FAM135A: variants seen among roughly 807,000 people sequenced by gnomAD.
FAM135A encodes the protein family with sequence similarity 135 member A, also known as protein FAM135A.
Under a neutral mutation model 146.8 loss-of-function variants are expected in FAM135A, and 79 were observed. The observed-to-expected ratio is 0.54, with a 90% CI of 0.45 to 0.65. The LOEUF is 0.65. FAM135A is among the 30% of genes least tolerant of loss of function. The probability of loss-of-function intolerance (pLI) is 0.00; values close to 1 mark genes in which losing one functional copy is unlikely to be tolerated. For synonymous variants in FAM135A, 562 were observed against 603.6 expected, an observed-to-expected ratio of 0.93 and a Z score of 1.01; for missense variants, 1,623 against 1,758.2, an observed-to-expected ratio of 0.92 and a Z score of 1.38.
At position 70,477,097 on chromosome 6, in the gene FAM135A, T is replaced by C. The variant is rs1347588528; in HGVS notation, c.369-62T>C. ...AATAGTTTTTATAGTTTCAACTACTTTATAATATATTGGCGTTTACTAAAT... is the reference window on the plus strand; with the variant it reads ...AATAGTTTTTATAGTTTCAACTACTCTATAATATATTGGCGTTTACTAAAT... On this transcript the variant is annotated intron_variant, in intron 7 of 21. Coordinates refer to ENST00000418814, the MANE Select transcript of FAM135A (RefSeq NM_001162529.3). 16 of 1,468,262 alleles carry C rather than the reference T, an allele frequency of 1.1e-5. No individual in the cohort carries two copies. In the African/African-American group the frequency reaches 1.6e-4, roughly 14 times the overall value. The allele number at this position is 1,468,262 out of a possible 1,614,324, so 91.0% of individuals were successfully genotyped here. A position where few individuals can be genotyped will look rare whatever the true frequency, so the allele number is the denominator to read the frequency against.
Position 70,544,802 on chromosome 6 carries a change from G to A in FAM135A, c.4228+6401G>A, listed in dbSNP as rs1296100474. Among the ~76,000 whole-genome samples, 11 of 151,892 alleles carry A rather than the reference G, an allele frequency of 7.2e-5. No homozygotes were observed. In the East Asian group the frequency reaches 1.4e-3, roughly 19 times the overall value. ...ACAGTGGCTCACGCCTGTAATCCCCGTACTTTGGGAGGCTGAGGCAGGTGG... is the reference window on the plus strand; with the variant it reads ...ACAGTGGCTCACGCCTGTAATCCCCATACTTTGGGAGGCTGAGGCAGGTGG... On this transcript the variant is annotated intron_variant, in intron 20 of 21. Coordinates refer to ENST00000418814, the MANE Select transcript of FAM135A (RefSeq NM_001162529.3).
At chr6:70,521,660 G>A (rs1478175665) in intron 12 of FAM135A, among the ~76,000 whole-genome samples, 1 of 152,170 alleles carries the variant, frequency 6.6e-6, no homozygotes, top group Non-Finnish European at 1.5e-5. Context: ...GAAAATAATT[G>A]TAGATGTAAT....
chr6:70,457,835 A>G (rs1487351310), intron 5 of FAM135A, among the ~76,000 whole-genome samples: 11 of 151,970 alleles, frequency 7.2e-5, no homozygotes, highest in African/African-American at 2.4e-4. Flanking sequence ...AAATGCCCAA[A>G]TAGAGTACCT....
chr6:70,542,747 T>G (rs1798168516), intron 20 of FAM135A, among the ~76,000 whole-genome samples: 1 of 152,192 alleles, frequency 6.6e-6, no homozygotes, highest in Non-Finnish European at 1.5e-5. Context: ...GACATCTCAA[T>G]TTACATATCA....
rs1213243198 is a variant in FAM135A at position 70,452,580 on chromosome 6, A to T, written c.157+9A>T. 6.4e-7 allele frequency: 1 copy of T among 1,551,290 alleles called. No individual in the cohort carries two copies. The highest frequency in any genetic ancestry group is 8.6e-7 in the Non-Finnish European group (1 of 1,157,872). On this transcript the variant is annotated intron_variant, in intron 5 of 21. Transcript: ENST00000418814. ...TTTGTTGCATGCAACAGGTAAGCCA[A>T]AGAATACATTCAAATTTAAAAAGTA...
At chr6:70,519,775 C>T (rs1297639570) in intron 12 of FAM135A, among the ~76,000 whole-genome samples, 1 of 152,154 alleles carries the variant, frequency 6.6e-6, no homozygotes, top group African/African-American at 2.4e-5. Flanking sequence ...AACTTTTATA[C>T]ACACTGGGAA....
At chr6:70,452,179 T>A (rs1478696984) in intron 4 of FAM135A, among the ~76,000 whole-genome samples, 1 of 152,090 alleles carries the variant, frequency 6.6e-6, no homozygotes, top group East Asian at 1.9e-4. Flanking sequence ...ATGAACCAAA[T>A]GAAACAATGA....
chr6:70,518,594 T>A (rs1261472935), intron 12 of FAM135A, among the ~76,000 whole-genome samples: 1 of 152,178 alleles, frequency 6.6e-6, no homozygotes, highest in Non-Finnish European at 1.5e-5. Context: ...GCAGGCTGAC[T>A]CTCTTGTTAG....
intron 4 of FAM135A, among the ~76,000 whole-genome samples, chr6:70,446,074 G>T (rs1030513283): frequency 3.9e-5 from 6 of 152,210 alleles, no homozygotes; most frequent in African/African-American, 1.4e-4. Context: ...TCTGTCTGCA[G>T]CTCCTTCAAG....
At chr6:70,450,158 G>A (rs1302724996) in intron 4 of FAM135A, among the ~76,000 whole-genome samples, 2 of 152,024 alleles carry the variant, frequency 1.3e-5, no homozygotes, top group South Asian at 2.1e-4. Flanking sequence ...TTGGATATTA[G>A]TTCCTTATCA....
chr6:70,469,424 T>G (rs1211392462), intron 5 of FAM135A, among the ~76,000 whole-genome samples: 1 of 152,230 alleles, frequency 6.6e-6, no homozygotes, highest in Non-Finnish European at 1.5e-5. Context: ...ACTGAAATCA[T>G]TCACAGCAAT....
At chr6:70,518,544 T>A (rs948920994) in intron 12 of FAM135A, among the ~76,000 whole-genome samples, 3 of 152,210 alleles carry the variant, frequency 2.0e-5, no homozygotes, top group African/African-American at 7.2e-5. Flanking sequence ...TCTAGGACTT[T>A]CATAGCTAGA....
intron 7 of FAM135A, 34 bp downstream of exon 7, chr6:70,475,767 A>G (rs1782515648): frequency 6.7e-7 from 1 of 1,484,030 alleles, no homozygotes; most frequent in Non-Finnish European, 9.3e-7. Context: ...ACCTTTAGGC[A>G]CTTATGACTG....
Position 70,480,895 on chromosome 6 carries a change from C to T in FAM135A, c.543-6C>T. ...GACAATAATAATGTAATACTTCTTC[C>T]TCCAGCTTTCCTCGCCCTGTGAAGA... On this transcript the variant is annotated splice_polypyrimidine_tract_variant and splice_region_variant and intron_variant, in intron 8 of 21. Coordinates refer to ENST00000418814, the MANE Select transcript of FAM135A (RefSeq NM_001162529.3). 7 of 1,603,138 alleles carry T rather than the reference C, an allele frequency of 4.4e-6. No homozygotes were observed. Among genetic ancestry groups the T allele is most frequent in the Non-Finnish European group, 5.9e-6 (7 of 1,176,556 alleles).
At chr6:70,517,449 G>T (rs554289147) in intron 12 of FAM135A, among the ~76,000 whole-genome samples, 2,998 of 118,582 alleles carry the variant, frequency 0.025, 103 homozygotes, top group African/African-American at 0.093. Flanking sequence ...ATGGAGTTTT[G>T]CTCTTGTCAC....
At chr6:70,492,539 A>C (rs1786239955) in intron 11 of FAM135A, among the ~76,000 whole-genome samples, 1 of 151,828 alleles carries the variant, frequency 6.6e-6, no homozygotes, top group Non-Finnish European at 1.5e-5. Flanking sequence ...TATACTATAA[A>C]TTTGAAAGCA....
Position 70,452,534 on chromosome 6 carries a change from T to G in FAM135A, c.120T>G (p.Ile40Met). 6.3e-7 allele frequency: 1 copy of G among 1,597,762 alleles called. No individual in the cohort carries two copies. Among genetic ancestry groups the G allele is most frequent in the Non-Finnish European group, 8.5e-7 (1 of 1,175,490 alleles). Residue 40 changes from isoleucine (I) to methionine (M), a missense_variant, in exon 5 of 22, where the codon ATT (isoleucine) becomes ATG (methionine). Physicochemically the swap from Ile to Met is conservative, Grantham distance 10 (BLOSUM62 1). This residue lies in a region of FAM135A where 171 missense variants were observed against 164.9 expected (regional missense o/e 1.04). Coordinates refer to ENST00000418814, the MANE Select transcript of FAM135A (RefSeq NM_001162529.3). ...IRASMKIPSRIPHRVEASLLH... is the reference protein window; with the variant it reads ...IRASMKIPSRMPHRVEASLLH... ...CTTCTATGAAAATTCCATCAAGAATTCCCCACAGAGTAGAAGCTAGTTTGT... is the reference window on the plus strand; with the variant it reads ...CTTCTATGAAAATTCCATCAAGAATGCCCCACAGAGTAGAAGCTAGTTTGT...
At chr6:70,501,704 C>T (rs906696054) in intron 11 of FAM135A, among the ~76,000 whole-genome samples, 5 of 152,226 alleles carry the variant, frequency 3.3e-5, no homozygotes, top group African/African-American at 4.8e-5. Flanking sequence ...TAGCACAGCC[C>T]TCATGGCTTT....
In FAM135A at chr6:70,538,343, A is replaced by G. The variant is rs9455152; in HGVS notation, c.4170A>G (p.Thr1390=). The part of the protein sequence containing the change: ...WKKSGSLLQL[T]CRDHSDPRQT... ...AATCAGGTTCGCTTTTGCAGCTGACATGTCGAGATCACTCAGACCCTCGCC... is the reference window on the plus strand; with the variant it reads ...AATCAGGTTCGCTTTTGCAGCTGACGTGTCGAGATCACTCAGACCCTCGCC... Residue 1390 remains threonine, a synonymous_variant, in exon 20 of 22, where the codon ACA becomes ACG. Transcript: ENST00000418814. 4.1e-3 allele frequency: 6,239 copies of G among 1,534,064 alleles called. 218 individuals are homozygous for G. In the African/African-American group the frequency reaches 0.076, roughly 19 times the overall value.
Sources: allele counts gnomAD v4.1 joint callset (sites outside exome capture counted in the v4.1 genomes callset), GRCh38; gene constraint gnomAD v4.1.1; regional missense constraint gnomAD v4.1.1; transcripts MANE v1.5; gene names NCBI Gene and HGNC (gene_info 2026-07-23, HGNC 2026-07-21).